TMEM165: variants seen among roughly 807,000 people sequenced by gnomAD.
TMEM165 encodes the protein transmembrane protein 165.
Under a neutral mutation model 30.0 loss-of-function variants are expected in TMEM165, and 19 were observed. The observed-to-expected ratio is 0.63, with a 90% CI of 0.44 to 0.93. The LOEUF is 0.93. Among genes scored for constraint, TMEM165 ranks in the 40% least tolerant of loss-of-function variants. The pLI, the probability that TMEM165 is intolerant of heterozygous loss-of-function variation, is 0.00. For synonymous variants in TMEM165, 168 were observed against 162.9 expected, an observed-to-expected ratio of 1.03 and a Z score of -0.24; for missense variants, 340 against 417.0, an observed-to-expected ratio of 0.82 and a Z score of 1.61.
chr4:55,452,729 G>T, exon 4 of TMEM165: 1 of 193,458 alleles, frequency 5.2e-6, no homozygotes, highest in South Asian at 9.7e-5. Context: ...TATTTTCAAA[G>T]TGGGGATATT....
At chr4:55,442,324 AG>A in intron 3 of TMEM165, 1 of 885,740 alleles carries the variant, frequency 1.1e-6, no homozygotes, top group Non-Finnish European at 1.8e-6. Context: ...GGCTGCAGTG[AG>A]CATCTCATTA....
intron 4 of TMEM165, among the ~76,000 whole-genome samples, chr4:55,421,285 TTTTC>T (rs1454713331): frequency 1.3e-4 from 19 of 149,542 alleles, no homozygotes; most frequent in South Asian, 2.1e-4. Flanking sequence ...TTTTTAAATA[TTTTC>T]TTTCTTTCTT....
intron 3 of TMEM165, chr4:55,442,394 T>G: frequency 1.3e-6 from 2 of 1,557,066 alleles, no homozygotes; most frequent in Non-Finnish European, 1.8e-6. Context: ...TCAATCGGTT[T>G]ACAATTTTAA....
At chr4:55,415,911 G>A (rs530401307) in intron 2 of TMEM165, 1 of 151,766 alleles carries the variant, frequency 6.6e-6, no homozygotes, top group Non-Finnish European at 1.5e-5. Flanking sequence ...CTGGGATGCA[G>A]TGGCATGATC....
At chr4:55,433,747 TG>T (rs1014733079) in intron 3 of TMEM165, 1 of 152,188 alleles carries the variant, frequency 6.6e-6, no homozygotes, top group African/African-American at 2.4e-5. Context: ...GTTTTTTAAA[TG>T]TATGTAACTT....
Position 55,452,188 on chromosome 4 carries a change from G to A in TMEM165, c.409-51G>A, listed in dbSNP as rs546851522. The stretch of plus-strand genomic sequence containing the variant: ...TGCATAGAATAGACAAAAGTGGTGA[G>A]GTATCAATCCTGTGATTAGGTTACA... On this transcript the variant is annotated intron_variant, in intron 3 of 3. Coordinates refer to the TMEM165 transcript ENST00000608091. 2.0e-5 allele frequency: 3 copies of A among 152,250 alleles called. No homozygotes were observed. The South Asian group carries it at 6.2e-4, about 32-fold the overall frequency. 9.4% of individuals were successfully genotyped at this position (152,250 alleles called of 1,614,324 possible).
At chr4:55,418,537 T>C (rs1017771276) in intron 4 of TMEM165, among the ~76,000 whole-genome samples, 1 of 147,052 alleles carries the variant, frequency 6.8e-6, no homozygotes, top group Non-Finnish European at 1.5e-5. Context: ...AAAAAAAAAG[T>C]GTATAGCTTT....
chr4:55,413,522 G>A (rs1721599997), intron 2 of TMEM165, among the ~76,000 whole-genome samples: 1 of 152,266 alleles, frequency 6.6e-6, no homozygotes, highest in South Asian at 2.1e-4. Context: ...TACCATGTTG[G>A]CCAGGCTGGT....
chr4:55,450,041 G>A (rs2109748935), intron 3 of TMEM165: 1 of 1,592,640 alleles, frequency 6.3e-7, no homozygotes, highest in East Asian at 2.2e-5. Flanking sequence ...GTAACTAAAA[G>A]TTTAGTTAGT....
intron 1 of TMEM165, among the ~76,000 whole-genome samples, chr4:55,400,365 A>AATTAT (rs1553884962): frequency 1.3e-4 from 7 of 51,974 alleles, no homozygotes; most frequent in Admixed American, 3.6e-4. Flanking sequence ...TAATATAATT[A>AATTAT]ATTATATTAA....
chr4:55,444,894 T>C, intron 3 of TMEM165: 1 of 1,101,236 alleles, frequency 9.1e-7, no homozygotes, highest in South Asian at 1.3e-5. Context: ...GATGATAACA[T>C]CCTTCACTAG....
At position 55,405,908 on chromosome 4, in the gene TMEM165, C is replaced by T. The variant is rs535629397; in HGVS notation, c.208-5706C>T. ...GCCCAGTTTATCTTTCTCATCTTGC[C>T]CCAACCATTCTTCTGATGGTTTACT... On this transcript the variant is annotated intron_variant, in intron 1 of 5. Coordinates refer to ENST00000381334, the MANE Select transcript of TMEM165 (RefSeq NM_018475.5). Among the ~76,000 whole-genome samples the T allele has an allele frequency of 4.6e-5, 7 of 152,278 alleles. No individual in the cohort carries two copies. The East Asian group carries it at 5.8e-4, about 13-fold the overall frequency.
chr4:55,425,232 G>A (rs939516921), intron 5 of TMEM165, 144 bp from the exon 6 acceptor site: 1 of 637,104 alleles, frequency 1.6e-6, no homozygotes. Flanking sequence ...ATGTAAAAGG[G>A]GTTGAAGTGA....
chr4:55,429,911 C>T (rs1722392476), downstream of TMEM165: 1 of 152,158 alleles, frequency 6.6e-6, no homozygotes, highest in Non-Finnish European at 1.5e-5. Context: ...AAAGTAGATT[C>T]AGACTGTCCG....
intron 1 of TMEM165, among the ~76,000 whole-genome samples, chr4:55,401,726 T>C (rs973878011): frequency 4.7e-5 from 7 of 150,462 alleles, no homozygotes; most frequent in Admixed American, 3.3e-4. Flanking sequence ...CAATCAGTTA[T>C]AAGGACGCCT....
chr4:55,413,330 T>C (rs975144647), intron 2 of TMEM165, among the ~76,000 whole-genome samples: 1 of 152,068 alleles, frequency 6.6e-6, no homozygotes, highest in Admixed American at 6.5e-5. Flanking sequence ...TTTTATTTAT[T>C]TTGAGACAGA....
intron 3 of TMEM165, among the ~76,000 whole-genome samples, chr4:55,451,837 G>A (rs553059035): frequency 2.6e-5 from 4 of 151,968 alleles, no homozygotes; most frequent in Non-Finnish European, 5.9e-5. Flanking sequence ...GTTCTTTCAC[G>A]TGGGATCCAT....
chr4:55,406,976 CTT>C (rs1198813807), intron 1 of TMEM165, among the ~76,000 whole-genome samples: 1 of 152,214 alleles, frequency 6.6e-6, no homozygotes, highest in African/African-American at 2.4e-5. Flanking sequence ...TATTTTGTCT[CTT>C]TATTACAAAT....
chr4:55,440,367 CA>C (rs565488810), intron 3 of TMEM165, among the ~76,000 whole-genome samples: 29 of 152,120 alleles, frequency 1.9e-4, no homozygotes, highest in African/African-American at 6.3e-4. Flanking sequence ...ACAATAACCC[CA>C]AAAAAATGAT....
Sources: gnomAD v4.1 joint callset for allele counts (sites outside exome capture counted in the v4.1 genomes callset) on GRCh38, gnomAD v4.1.1 for gene constraint, MANE v1.5 for transcripts, NCBI Gene and HGNC (gene_info 2026-07-23, HGNC 2026-07-21) for gene names.